Variants in PRKG1 observed in about 807,000 individuals in gnomAD.
PRKG1 encodes protein kinase cGMP-dependent 1.
PRKG1 carries 35 observed loss-of-function variants against 88.1 expected under a neutral mutation model. The ratio of observed to expected loss-of-function variants is 0.40; its 90% CI spans 0.30 to 0.53. The LOEUF is 0.53. Among genes scored for constraint, PRKG1 ranks in the 20% least tolerant of loss-of-function variants. PRKG1 has a pLI of 0.59. For missense variants in PRKG1, 540 were observed against 839.8 expected (o/e 0.64, Z 4.41); for synonymous variants, 303 against 292.5 (o/e 1.04, Z -0.37).
intron 1 of PRKG1, among the ~76,000 whole-genome samples, chr10:51,117,802 C>T (rs145803399): frequency 9.7e-4 from 147 of 152,290 alleles, no homozygotes; most frequent in African/African-American, 3.3e-3. Flanking sequence ...CAGCTCTCAA[C>T]GGAGTAAAGA....
At chr10:51,464,230 G>A (rs937790231) in intron 2 of PRKG1, among the ~76,000 whole-genome samples, 1 of 151,924 alleles carries the variant, frequency 6.6e-6, no homozygotes, top group Non-Finnish European at 1.5e-5. Flanking sequence ...AGAGTTTGCC[G>A]TGAGCCAAGA....
chr10:51,851,210 T>A (rs7911049), intron 4 of PRKG1, among the ~76,000 whole-genome samples: 6,462 of 152,246 alleles, frequency 0.042, 499 homozygotes, highest in African/African-American at 0.15. Flanking sequence ...CATCCTTATT[T>A]GCTTAAATTT....
In PRKG1 at chr10:51,310,316, A is replaced by G. The variant is rs1474738257; in HGVS notation, c.478+156986A>G. 2.0e-5 allele frequency among the ~76,000 whole-genome samples: 3 copies of G among 152,234 alleles called. No individual in the cohort carries two copies. The East Asian group carries it at 5.8e-4, about 29-fold the overall frequency. On this transcript the variant is annotated intron_variant, in intron 2 of 17. Transcript: ENST00000373980. The stretch of plus-strand genomic sequence containing the variant: ...GCTCCAATATCTTCATGTCCTATTG[A>G]GCAAAGGAAATTCAATACACACTTT...
chr10:51,670,786 A>G (rs1564599643), intron 3 of PRKG1, among the ~76,000 whole-genome samples: 1 of 150,762 alleles, frequency 6.6e-6, no homozygotes, highest in Non-Finnish European at 1.5e-5. Flanking sequence ...ATAAATAAAT[A>G]AAAATGCAAG....
intron 2 of PRKG1, among the ~76,000 whole-genome samples, chr10:51,289,267 T>C (rs903232971): frequency 6.6e-6 from 1 of 152,118 alleles, no homozygotes; most frequent in Non-Finnish European, 1.5e-5. Context: ...GGACCGCCTC[T>C]CTTACTGGGC....
intron 10 of PRKG1, among the ~76,000 whole-genome samples, chr10:52,267,455 G>C (rs1209120773): frequency 6.6e-6 from 1 of 151,902 alleles, no homozygotes; most frequent in Non-Finnish European, 1.5e-5. Context: ...GTTTTTTCAT[G>C]ATGAGAGTTT....
chr10:51,217,674 G>A (rs1838407607), intron 2 of PRKG1, among the ~76,000 whole-genome samples: 1 of 151,964 alleles, frequency 6.6e-6, no homozygotes, highest in Non-Finnish European at 1.5e-5. Context: ...TCTGTTTCTG[G>A]CCTTAGTTCT....
chr10:51,192,154 A>T (rs1279858064), intron 2 of PRKG1, among the ~76,000 whole-genome samples: 1 of 151,744 alleles, frequency 6.6e-6, no homozygotes, highest in African/African-American at 2.4e-5. Flanking sequence ...AAAAAAAATT[A>T]CACATAGAGA....
chr10:51,064,138 G>A (rs1403429406), intron 1 of PRKG1, among the ~76,000 whole-genome samples: 2 of 151,956 alleles, frequency 1.3e-5, no homozygotes, highest in Non-Finnish European at 2.9e-5. Flanking sequence ...CATATAGAAA[G>A]GCATATCATA....
intron 9 of PRKG1, among the ~76,000 whole-genome samples, chr10:52,232,947 G>A (rs958829694): frequency 2.6e-5 from 4 of 152,174 alleles, no homozygotes; most frequent in Admixed American, 1.3e-4. Flanking sequence ...AAATAAGACC[G>A]AGAATCCAAT....
chr10:51,342,928 A>C (rs139611781), intron 2 of PRKG1, among the ~76,000 whole-genome samples: 2 of 152,226 alleles, frequency 1.3e-5, no homozygotes, highest in Admixed American at 1.3e-4. Flanking sequence ...GGGTTCATCC[A>C]TGAGAAATGT....
chr10:51,202,895 C>G (rs954359068), intron 2 of PRKG1, among the ~76,000 whole-genome samples: 10 of 152,154 alleles, frequency 6.6e-5, no homozygotes, highest in Non-Finnish European at 1.2e-4. Context: ...CACATTGATT[C>G]TGTTGGAACT....
chr10:51,823,914 C>T (rs574990757), intron 4 of PRKG1, among the ~76,000 whole-genome samples: 1 of 132,258 alleles, frequency 7.6e-6, no homozygotes, highest in East Asian at 2.3e-4. Flanking sequence ...TGCTCTGTCA[C>T]CTGGGCTAGA....
At chr10:51,495,004 G>A (rs978557305) in intron 3 of PRKG1, among the ~76,000 whole-genome samples, 8 of 152,122 alleles carry the variant, frequency 5.3e-5, no homozygotes, top group Non-Finnish European at 1.2e-4. Flanking sequence ...TTTCAGGAGG[G>A]AAGATGAAGA....
intron 2 of PRKG1, among the ~76,000 whole-genome samples, chr10:51,463,568 G>A (rs1839801195): frequency 6.6e-6 from 1 of 152,196 alleles, no homozygotes; most frequent in Non-Finnish European, 1.5e-5. Context: ...ATACTTTAAA[G>A]GAAGAAAGGA....
intron 5 of PRKG1, among the ~76,000 whole-genome samples, chr10:51,967,426 G>T (rs1843598660): frequency 6.6e-6 from 1 of 152,096 alleles, no homozygotes; most frequent in African/African-American, 2.4e-5. Flanking sequence ...TGGGGGATGG[G>T]GGAGGGATAG....
intron 4 of PRKG1, among the ~76,000 whole-genome samples, chr10:51,813,499 T>G (rs1839508461): frequency 6.6e-6 from 1 of 152,318 alleles, no homozygotes; most frequent in East Asian, 1.9e-4. Context: ...TTCAAAATGC[T>G]GCAGATGTAT....
intron 9 of PRKG1, among the ~76,000 whole-genome samples, chr10:52,247,793 C>T (rs756790881): frequency 2.0e-4 from 30 of 152,170 alleles, no homozygotes; most frequent in Non-Finnish European, 3.5e-4. Flanking sequence ...AATAATCTGC[C>T]GAGACCAGCT....
At chr10:51,534,972 T>A (rs1360683880) in intron 3 of PRKG1, among the ~76,000 whole-genome samples, 1 of 152,160 alleles carries the variant, frequency 6.6e-6, no homozygotes, top group African/African-American at 2.4e-5. Context: ...AAAGTAGTTA[T>A]CTGGTTTTTG....
Sources: allele counts gnomAD v4.1 joint callset (sites outside exome capture counted in the v4.1 genomes callset), GRCh38; gene constraint gnomAD v4.1.1; transcripts MANE v1.5; gene names NCBI Gene and HGNC (gene_info 2026-07-23, HGNC 2026-07-21).